BAZ2B: variants seen among roughly 807,000 people sequenced by gnomAD.
BAZ2B encodes the protein bromodomain adjacent to zinc finger domain protein 2B.
A neutral mutation model predicts 246.0 loss-of-function variants in BAZ2B; 91 were observed. The ratio of observed to expected loss-of-function variants is 0.37; its 90% CI spans 0.31 to 0.44. BAZ2B has a LOEUF of 0.44. Among genes scored for constraint, BAZ2B ranks in the 20% least tolerant of loss-of-function variants. The probability of loss-of-function intolerance (pLI) is 1.00; values close to 1 mark genes in which losing one functional copy is unlikely to be tolerated. For synonymous variants in BAZ2B, 855 were observed against 860.0 expected (o/e 0.99, Z 0.10); for missense variants, 2,332 against 2,533.7 (o/e 0.92, Z 1.71).
rs1473069829 is a variant in BAZ2B at position 159,320,505 on chromosome 2, A to T, written c.6354-87T>A. On this transcript the variant is annotated intron_variant, in intron 36 of 36. Transcript: ENST00000392783. ...GAAGAGTTAATAAAGGGTAAAAATGAAAGAAAAATGATTAGGATAACTGCA... is the reference window on the plus strand; with the variant it reads ...GAAGAGTTAATAAAGGGTAAAAATGTAAGAAAAATGATTAGGATAACTGCA... The T allele has an allele frequency of 3.5e-6, 4 of 1,139,532 alleles. No individual in the cohort carries two copies. In the African/African-American group the frequency reaches 6.6e-5, roughly 19 times the overall value. The allele number at this position is 1,139,532 out of a possible 1,614,324, so 70.6% of individuals were successfully genotyped here. A position where few individuals can be genotyped will look rare whatever the true frequency, so the allele number is the denominator to read the frequency against.
intron 6 of BAZ2B, chr2:159,444,697 G>C (rs1365189753): frequency 2.0e-5 from 3 of 152,184 alleles, no homozygotes; most frequent in Non-Finnish European, 2.9e-5. Context: ...TGCAGTCAGT[G>C]ACTACCCATA....
At position 159,438,687 on chromosome 2, in the gene BAZ2B, T is replaced by C; in HGVS notation, c.909A>G (p.Leu303=). The change falls in exon 8 of 37, where the codon TTA becomes TTG. Residue 303 remains leucine (L), a synonymous_variant. Coordinates refer to ENST00000392783, the MANE Select transcript of BAZ2B (RefSeq NM_013450.4). The part of the protein sequence containing the change: ...AQHKSNNQVL[L]HGISDPKADG... ...CTGCTTTTGGGTCTGAAATACCATG[T>C]AATAGCACCTAGATATAAAAATGAA... is the stretch of plus-strand genomic sequence containing the variant. 2 of 1,591,726 alleles carry C rather than the reference T, an allele frequency of 1.3e-6. No individual in the cohort carries two copies. Among genetic ancestry groups the C allele is most frequent in the Non-Finnish European group, 1.7e-6 (2 of 1,173,600 alleles).
rs573660425 is a variant in BAZ2B at position 159,338,328 on chromosome 2, A to T, written c.5455-556T>A. On this transcript the variant is annotated intron_variant, in intron 31 of 36. Coordinates refer to ENST00000392783, the MANE Select transcript of BAZ2B (RefSeq NM_013450.4). Reference sequence around the variant, plus strand: ...GGATCCTGATAGGAATCCTTTCCTGACCTCTTTCAGGAGCTAAGTCCCTCT... The same window carrying T: ...GGATCCTGATAGGAATCCTTTCCTGTCCTCTTTCAGGAGCTAAGTCCCTCT... 5.3e-5 allele frequency among the ~76,000 whole-genome samples: 8 copies of T among 152,276 alleles called. No individual in the cohort carries two copies. The East Asian group carries it at 1.4e-3, about 26-fold the overall frequency.
intron 1 of BAZ2B, among the ~76,000 whole-genome samples, chr2:159,571,690 T>C (rs1684047140): frequency 1.3e-5 from 2 of 152,194 alleles, no homozygotes; most frequent in South Asian, 2.1e-4. Context: ...TTATAAATAA[T>C]AGCAGTTTAT....
At chr2:159,489,369 C>T (rs1486868415) in intron 2 of BAZ2B, among the ~76,000 whole-genome samples, 1 of 152,096 alleles carries the variant, frequency 6.6e-6, no homozygotes, top group Non-Finnish European at 1.5e-5. Flanking sequence ...CCAGTCTGAA[C>T]AACAGACAAA....
the BAZ2B span, among the ~76,000 whole-genome samples, chr2:159,631,721 A>C: frequency 6.6e-5 from 10 of 152,212 alleles, no homozygotes; most frequent in Admixed American, 1.3e-4. Flanking sequence ...TTATACTAAA[A>C]AAACCTTTTT....
intron 17 of BAZ2B, among the ~76,000 whole-genome samples, chr2:159,399,193 A>C (rs1337651966): frequency 1.3e-5 from 2 of 152,148 alleles, no homozygotes; most frequent in African/African-American, 4.8e-5. Context: ...CTTTTACCTT[A>C]AAATTTAATC....
At chr2:159,364,710 A>G (rs1008445195) in intron 27 of BAZ2B, among the ~76,000 whole-genome samples, 31 of 152,134 alleles carry the variant, frequency 2.0e-4, no homozygotes, top group Non-Finnish European at 4.3e-4. Context: ...AGTAGCTTCT[A>G]TAACTGTTGG....
At chr2:159,443,390 A>G (rs1168718161) in intron 6 of BAZ2B, among the ~76,000 whole-genome samples, 1 of 152,174 alleles carries the variant, frequency 6.6e-6, no homozygotes, top group South Asian at 2.1e-4. Context: ...ATGACTTTCA[A>G]TGAGAATGGC....
At chr2:159,472,543 G>A (rs918901420) in intron 3 of BAZ2B, among the ~76,000 whole-genome samples, 1 of 152,198 alleles carries the variant, frequency 6.6e-6, no homozygotes. Flanking sequence ...TGGTGAGAGA[G>A]GGCATCTTTG....
chr2:159,348,459 T>C (rs1266004853), intron 30 of BAZ2B, among the ~76,000 whole-genome samples: 1 of 151,800 alleles, frequency 6.6e-6, no homozygotes, highest in Admixed American at 6.6e-5. Flanking sequence ...TGTTATACTA[T>C]ATATTATTTA....
At chr2:159,476,130 G>A (rs1160625101) in intron 3 of BAZ2B, among the ~76,000 whole-genome samples, 3 of 152,150 alleles carry the variant, frequency 2.0e-5, no homozygotes, top group African/African-American at 7.2e-5. Flanking sequence ...GTCTTTTGAA[G>A]CTATGCCCAC....
At chr2:159,555,905 T>C (rs140813375) in intron 1 of BAZ2B, 40 bp from the exon 2 acceptor site, 33 of 152,352 alleles carry the variant, frequency 2.2e-4, no homozygotes, top group African/African-American at 7.7e-4. Context: ...AGCTGAAGCA[T>C]ACTTAAGAAA....
At chr2:159,554,187 C>G (rs1234999006) in intron 2 of BAZ2B, among the ~76,000 whole-genome samples, 1 of 151,942 alleles carries the variant, frequency 6.6e-6, no homozygotes, top group African/African-American at 2.4e-5. Flanking sequence ...GGATTTAGAT[C>G]AGTTGCAATT....
At chr2:159,660,963 G>A in the BAZ2B span, among the ~76,000 whole-genome samples, 8 of 152,088 alleles carry the variant, frequency 5.3e-5, no homozygotes, top group African/African-American at 1.9e-4. Context: ...ATACACATAT[G>A]TACAGTCTAC....
chr2:159,479,348 G>T (rs1298882873), intron 2 of BAZ2B, among the ~76,000 whole-genome samples: 1 of 152,106 alleles, frequency 6.6e-6, no homozygotes, highest in Non-Finnish European at 1.5e-5. Flanking sequence ...TGGGCTTTAT[G>T]GTTGTAGCCT....
intron 13 of BAZ2B, among the ~76,000 whole-genome samples, chr2:159,423,110 T>A (rs951048718): frequency 2.0e-5 from 3 of 152,028 alleles, no homozygotes; most frequent in Non-Finnish European, 2.9e-5. Flanking sequence ...GGTCAGGAGA[T>A]TGAGACCATC....
At chr2:159,661,193 A>T in the BAZ2B span, among the ~76,000 whole-genome samples, 1 of 152,184 alleles carries the variant, frequency 6.6e-6, no homozygotes, top group East Asian at 1.9e-4. Context: ...ATCATATAGT[A>T]TGTATTCCCT....
the BAZ2B span, among the ~76,000 whole-genome samples, chr2:159,659,558 A>C: frequency 6.6e-6 from 1 of 152,196 alleles, no homozygotes. Context: ...TTTAGCTGGC[A>C]AAGACACAAA....
Sources: gnomAD v4.1 joint callset for allele counts (sites outside exome capture counted in the v4.1 genomes callset) on GRCh38, gnomAD v4.1.1 for gene constraint, MANE v1.5 for transcripts, NCBI Gene and HGNC (gene_info 2026-07-23, HGNC 2026-07-21) for gene names.